Variants in A2ML1 observed in about 807,000 individuals in gnomAD.
A2ML1 encodes alpha-2-macroglobulin-like protein 1.
A2ML1 carries 161 observed loss-of-function variants against 181.9 expected under a neutral mutation model. The ratio of observed to expected loss-of-function variants is 0.89; its 90% CI spans 0.78 to 1.01. The LOEUF is 1.01. A2ML1 is among the 50% of genes least tolerant of loss of function. The pLI is 0.00. For missense variants in A2ML1, 1,670 were observed against 1,768.1 expected, an observed-to-expected ratio of 0.94 and a Z score of 1.00; for synonymous variants, 663 against 666.8, an observed-to-expected ratio of 0.99 and a Z score of 0.09.
At chr12:8,832,979 CTT>C (rs10670476) in intron 4 of A2ML1, among the ~76,000 whole-genome samples, 1 of 138,690 alleles carries the variant, frequency 7.2e-6, no homozygotes, top group African/African-American at 2.7e-5. Flanking sequence ...TGCTACTTTC[CTT>C]TTTTTTTTTT....
intron 13 of A2ML1, 141 bp downstream of exon 13, chr12:8,845,643 C>G: frequency 1.3e-6 from 1 of 745,572 alleles, no homozygotes; most frequent in Non-Finnish European, 2.2e-6. Context: ...GTCGGGAGAT[C>G]GAGACCATCT....
At chr12:8,822,835 T>C (rs1348738460) in intron 1 of A2ML1, 122 bp downstream of exon 1, 2 of 907,792 alleles carry the variant, frequency 2.2e-6, no homozygotes, top group Non-Finnish European at 3.5e-6. Context: ...CCTCCTTTTT[T>C]CTCTTCTTTG....
chr12:8,878,342 T>C (rs1944835368), downstream of A2ML1, among the ~76,000 whole-genome samples: 1 of 152,152 alleles, frequency 6.6e-6, no homozygotes, highest in South Asian at 2.1e-4. This position sits in a 1 kb window ranked among gnomAD's most constrained non-coding sequence, Gnocchi z 4.4. Flanking sequence ...AATCATGTCC[T>C]TTGCAGCAGC....
intron 3 of A2ML1, among the ~76,000 whole-genome samples, chr12:8,828,844 AC>A (rs1017907561): frequency 3.9e-5 from 6 of 152,092 alleles, no homozygotes; most frequent in African/African-American, 1.4e-4. Flanking sequence ...TGGGCAGTTC[AC>A]CCCTGGCTAA....
chr12:8,834,965 G>T, intron 5 of A2ML1: 1 of 473,284 alleles, frequency 2.1e-6, no homozygotes, highest in Non-Finnish European at 3.7e-6. Context: ...GACTTAACCA[G>T]GCTTGGTTCC....
At chr12:8,832,048 C>T (rs1268360364) in intron 4 of A2ML1, among the ~76,000 whole-genome samples, 1 of 152,128 alleles carries the variant, frequency 6.6e-6, no homozygotes, top group African/African-American at 2.4e-5. Context: ...CCGCGCCTGG[C>T]CAGGAAATCG....
chr12:8,856,256 T>A (rs906810899), intron 23 of A2ML1, among the ~76,000 whole-genome samples: 1 of 152,180 alleles, frequency 6.6e-6, no homozygotes, highest in Non-Finnish European at 1.5e-5. Flanking sequence ...AGTCACAGTG[T>A]CTCTGTTTTG....
rs1030751013 is a variant in A2ML1 at position 8,824,227 on chromosome 12, T to G, written c.409+345T>G. On this transcript the variant is annotated intron_variant, in intron 3 of 35. Coordinates refer to ENST00000299698, the MANE Select transcript of A2ML1 (RefSeq NM_144670.6). The stretch of plus-strand genomic sequence containing the variant: ...ATTTGGCTTGAGCTACTGGGGTTTT[T>G]TTTTTTTTTTTTTTTTTTTTTTGTA... Among the ~76,000 whole-genome samples the G allele has an allele frequency of 4.7e-3, 539 of 115,034 alleles. 2 individuals carry two copies. Among genetic ancestry groups the G allele is most frequent in the African/African-American group, 0.018 (512 of 28,146 alleles). The allele number at this position is 115,034 out of a possible 152,430, so 75.5% of individuals were successfully genotyped here.
Position 8,838,377 on chromosome 12 carries a change from C to T in A2ML1, c.897C>T (p.Ala299=). The change falls in exon 9 of 36, where the codon GCC becomes GCT. Residue 299 remains alanine, a synonymous_variant. Coordinates refer to ENST00000299698, the MANE Select transcript of A2ML1 (RefSeq NM_144670.6). ...GTTTCTCAGCACCTGTGGACATGGCCACCTTTGACCTCATTGGATATGCGT... is the reference window on the plus strand; with the variant it reads ...GTTTCTCAGCACCTGTGGACATGGCTACCTTTGACCTCATTGGATATGCGT... ...TGCFSAPVDM[A]TFDLIGYAYS... 1 of 1,613,664 alleles carries T rather than the reference C, an allele frequency of 6.2e-7. No individual in the cohort carries two copies. The highest frequency in any genetic ancestry group is 8.5e-7 in the Non-Finnish European group (1 of 1,179,782).
chr12:8,845,537 A>G, intron 13 of A2ML1, 35 bp downstream of exon 13: 1 of 1,611,842 alleles, frequency 6.2e-7, no homozygotes, highest in South Asian at 1.1e-5. Flanking sequence ...AGCAAACAGG[A>G]TATTTTTAAA....
intron 33 of A2ML1, 89 bp downstream of exon 33, chr12:8,869,292 C>G: frequency 7.4e-7 from 1 of 1,354,696 alleles, no homozygotes; most frequent in South Asian, 1.2e-5. Flanking sequence ...GTGTCACACA[C>G]ATGGGGATGA....
Position 8,868,539 on chromosome 12 carries a change from A to T in A2ML1, c.4064A>T (p.Tyr1355Phe). The change falls in exon 32 of 36, where the codon TAT becomes TTT. Residue 1355 changes from tyrosine to phenylalanine, a missense_variant and splice_region_variant. Physicochemically the swap from Tyr to Phe is conservative, Grantham distance 22. Coordinates refer to ENST00000299698, the MANE Select transcript of A2ML1 (RefSeq NM_144670.6). The part of the protein sequence containing the change: ...RSLTLTIHTS[Y>F]VGSRSSSNMA... Reference sequence around the variant, plus strand: ...TGTTTTCTTCTTCCTGCTCTCAGTTATGTGGGGAGCCGTAGCTCTTCCAAT... The same window carrying T: ...TGTTTTCTTCTTCCTGCTCTCAGTTTTGTGGGGAGCCGTAGCTCTTCCAAT... 6.2e-7 allele frequency: 1 copy of T among 1,613,756 alleles called. No homozygotes were observed. The highest frequency in any genetic ancestry group is 1.1e-5 in the South Asian group (1 of 91,052).
intron 35 of A2ML1, chr12:8,875,439 C>CTTT (rs10607981): frequency 1.4e-5 from 2 of 144,546 alleles, no homozygotes; most frequent in Non-Finnish European, 3.0e-5. Flanking sequence ...TTGTCTTAAA[C>CTTT]TTTTTTTTTT....
intron 25 of A2ML1, 134 bp downstream of exon 25, chr12:8,857,722 A>G (rs1037296066): frequency 2.0e-5 from 23 of 1,154,354 alleles, no homozygotes; most frequent in Non-Finnish European, 2.7e-5. Context: ...AATACTGTTT[A>G]TTTCACCCTC....
chr12:8,884,388 C>T (rs750127254), intron 7 of A2ML1, among the ~76,000 whole-genome samples: 2 of 151,724 alleles, frequency 1.3e-5, no homozygotes, highest in African/African-American at 4.8e-5. Context: ...GCCCAGTACC[C>T]AATAGTTATC....
At position 8,843,323 on chromosome 12, in the gene A2ML1, G is replaced by A. The variant is rs368024371; in HGVS notation, c.1438G>A (p.Asp480Asn). ...VLVDYYIDPA[D>N]ASPDQEISFS... is the part of the protein sequence containing the mutation. ...GGTGGATTATTACATCGACCCGGCC[G>A]ATGCAAGCCCTGACCAAGAGATCAG... The change falls in exon 12 of 36, where the codon GAT becomes AAT. Residue 480 changes from aspartate to asparagine, a missense_variant. Transcript: ENST00000299698. The A allele has an allele frequency of 2.5e-5, 41 of 1,613,748 alleles. No individual in the cohort carries two copies. In the East Asian group the frequency reaches 4.7e-4, roughly 18 times the overall value.
intron 7 of A2ML1, among the ~76,000 whole-genome samples, chr12:8,836,683 C>A (rs1235327283): frequency 6.6e-6 from 1 of 151,912 alleles, no homozygotes; most frequent in Non-Finnish European, 1.5e-5. Context: ...GGGATTTCGC[C>A]GTGTTGGCCA....
At position 8,857,520 on chromosome 12, in the gene A2ML1, G is replaced by T. The variant is rs1249413083; in HGVS notation, c.3039G>T (p.Glu1013Asp). Residue 1013 changes from glutamate (E) to aspartate (D), a missense_variant, in exon 25 of 36, where the codon GAG becomes GAT. Glu to Asp is a conservative substitution (Grantham distance 45, BLOSUM62 2). Transcript: ENST00000299698. The stretch of plus-strand genomic sequence containing the variant: ...TTGGCTTCCCAGGGTACCAGAAGGA[G>T]CTGATGTACAAACACAGCAATGGCT... ...VGFLEIGYQKELMYKHSNGSY... is the reference protein window; with the variant it reads ...VGFLEIGYQKDLMYKHSNGSY... The T allele has an allele frequency of 6.2e-7, 1 of 1,612,008 alleles. No homozygotes were observed. The highest frequency in any genetic ancestry group is 8.5e-7 in the Non-Finnish European group (1 of 1,179,282).
chr12:8,823,650 T>TGGGTTGAG, intron 2 of A2ML1, 70 bp from the exon 3 acceptor site: 1 of 1,527,002 alleles, frequency 6.5e-7, no homozygotes, highest in South Asian at 1.2e-5. Context: ...AACTCACTGT[T>TGGGTTGAG]GGGTTGAGAC....
Sources: allele counts gnomAD v4.1 joint callset (sites outside exome capture counted in the v4.1 genomes callset), GRCh38; gene constraint gnomAD v4.1.1; non-coding constraint Gnocchi (gnomAD v3.1); transcripts MANE v1.5; gene names NCBI Gene and HGNC (gene_info 2026-07-23, HGNC 2026-07-21).